Variants in BCAS3 observed in about 807,000 individuals in gnomAD.
BCAS3 encodes the protein BCAS3 microtubule associated cell migration factor, also known as BCAS4/BCAS3 fusion.
In BCAS3, 53 loss-of-function variants were observed where a neutral mutation model predicts 116.1. The ratio of observed to expected loss-of-function variants is 0.46; its 90% confidence interval spans 0.37 to 0.57. BCAS3 has a LOEUF of 0.57. Among genes scored for constraint, BCAS3 ranks in the 20% least tolerant of loss-of-function variants. The pLI is 0.00. For synonymous variants in BCAS3, 391 were observed against 408.2 expected (o/e 0.96, Z 0.51); for missense variants, 917 against 1,165.4 (o/e 0.79, Z 3.10).
intron 19 of BCAS3, among the ~76,000 whole-genome samples, chr17:61,067,726 C>CAAAAAAAAA (rs377228440): frequency 3.2e-4 from 35 of 108,932 alleles, no homozygotes; most frequent in East Asian, 4.8e-4. Context: ...AACAAACAAA[C>CAAAAAAAAA]AAAAAAAAAA....
rs570849379 is a variant in BCAS3 at position 61,049,071 on chromosome 17, G to T, written c.2029+8179G>T. Reference sequence around the variant, plus strand: ...CCCAGCACTTTGGGATGCCAAAGTGGAAGGATTGCTTGAGGTCAGGAGTTC... The same window carrying T: ...CCCAGCACTTTGGGATGCCAAAGTGTAAGGATTGCTTGAGGTCAGGAGTTC... On this transcript the variant is annotated intron_variant, in intron 19 of 23. Transcript: ENST00000407086. 2.8e-4 allele frequency among the ~76,000 whole-genome samples: 43 copies of T among 152,076 alleles called. 1 individual carries two copies. The highest frequency in any genetic ancestry group is 2.2e-3 in the Admixed American group (33 of 15,284).
At chr17:60,974,247 C>T in intron 14 of BCAS3, among the ~76,000 whole-genome samples, 1 of 152,026 alleles carries the variant, frequency 6.6e-6, no homozygotes, top group Non-Finnish European at 1.5e-5. Context: ...AATTCACAGC[C>T]TTATAAGATG....
At chr17:60,836,373 C>T (rs551888804) in intron 7 of BCAS3, among the ~76,000 whole-genome samples, 17 of 152,220 alleles carry the variant, frequency 1.1e-4, no homozygotes, top group Non-Finnish European at 2.5e-4. Flanking sequence ...TAATGCTCAA[C>T]ATACAACAGT....
intron 6 of BCAS3, among the ~76,000 whole-genome samples, chr17:60,803,805 T>C (rs987058498): frequency 6.9e-6 from 1 of 145,316 alleles, no homozygotes; most frequent in African/African-American, 2.5e-5. Flanking sequence ...GATTTTTTTT[T>C]TTTTTTTTTT....
intron 14 of BCAS3, among the ~76,000 whole-genome samples, chr17:60,974,982 G>GTTTTGTTT (rs2062210319): frequency 7.3e-6 from 1 of 136,322 alleles, no homozygotes; most frequent in African/African-American, 3.5e-5. Flanking sequence ...TGTTTTTTTT[G>GTTTTGTTT]TTTTTTTTGC....
chr17:60,786,547 G>GTATATATATATATATATATATATA (rs72319489), intron 6 of BCAS3, among the ~76,000 whole-genome samples: 7 of 140,696 alleles, frequency 5.0e-5, no homozygotes, highest in African/African-American at 1.8e-4. Flanking sequence ...CTGCAAATGT[G>GTATATATATATATATATATATATA]TATATATATA....
At chr17:60,968,121 T>C (rs2061756767) in intron 14 of BCAS3, among the ~76,000 whole-genome samples, 1 of 152,210 alleles carries the variant, frequency 6.6e-6, no homozygotes, top group South Asian at 2.1e-4. Flanking sequence ...CTGTTGTTTT[T>C]TTCGTGTGTA....
In BCAS3 at chr17:61,261,107, A is replaced by G. The variant is rs915567639; in HGVS notation, c.2426-107220A>G. ...TTGACACATTTTGCCTGGAAGTCAT[A>G]GAAGAAGACTGAGGTGCCCCCATCA... On this transcript the variant is annotated intron_variant, in intron 22 of 23. Transcript: ENST00000407086. This position sits in a 1 kb window ranked among gnomAD's most constrained non-coding sequence, Gnocchi z 4.4. Among the ~76,000 whole-genome samples the G allele has an allele frequency of 1.2e-4, 18 of 152,354 alleles. No homozygotes were observed. Among genetic ancestry groups the G allele is most frequent in the South Asian group, 2.1e-4 (1 of 4,824 alleles).
At chr17:61,338,707 TGG>T in intron 22 of BCAS3, among the ~76,000 whole-genome samples, 1 of 152,078 alleles carries the variant, frequency 6.6e-6, no homozygotes, top group Non-Finnish European at 1.5e-5. Flanking sequence ...CTGTTGGATC[TGG>T]CAGTGCAGGC....
At chr17:60,800,175 G>C (rs1422312431) in intron 6 of BCAS3, among the ~76,000 whole-genome samples, 1 of 152,098 alleles carries the variant, frequency 6.6e-6, no homozygotes, top group East Asian at 1.9e-4. Flanking sequence ...TAATTACCAA[G>C]GAGTGATGAT....
intron 22 of BCAS3, chr17:61,086,930 A>G (rs1017985999): frequency 6.1e-6 from 6 of 985,300 alleles, no homozygotes; most frequent in Non-Finnish European, 7.2e-6. Context: ...TGGAATGTCC[A>G]TCTACTTTAA....
At chr17:61,002,901 T>A (rs1031624327) in intron 15 of BCAS3, among the ~76,000 whole-genome samples, 1 of 152,132 alleles carries the variant, frequency 6.6e-6, no homozygotes, top group Admixed American at 6.5e-5. Flanking sequence ...ATTGGACACT[T>A]ACTGTTGTTG....
intron 13 of BCAS3, among the ~76,000 whole-genome samples, chr17:60,945,993 G>A (rs1389902731): frequency 1.3e-5 from 2 of 150,986 alleles, no homozygotes; most frequent in African/African-American, 4.9e-5. Context: ...GGTGGCGGGC[G>A]CCTGTAGTCC....
intron 22 of BCAS3, among the ~76,000 whole-genome samples, chr17:61,342,767 T>G (rs1245451186): frequency 6.8e-6 from 1 of 147,132 alleles, no homozygotes; most frequent in East Asian, 2.0e-4. Context: ...TTTTTTTTTT[T>G]GTGAGATAAA....
At position 61,363,266 on chromosome 17, in the gene BCAS3, A is replaced by G. The variant is rs1169149080; in HGVS notation, c.2426-5061A>G. 6.6e-6 allele frequency among the ~76,000 whole-genome samples: 1 copy of G among 152,234 alleles called. No homozygotes were observed. Among genetic ancestry groups the G allele is most frequent in the Non-Finnish European group, 1.5e-5 (1 of 68,040 alleles). On this transcript the variant is annotated intron_variant, in intron 22 of 23. Coordinates refer to ENST00000407086, the MANE Select transcript of BCAS3 (RefSeq NM_017679.5). The surrounding 1 kb of genome is among the most constrained non-coding windows in gnomAD (Gnocchi z 4.9). Reference sequence around the variant, plus strand: ...TTTTTTGAGTAAGTGCTTAGCTTTCATCAACTTCACCTGGAAAGATAGAGC... The same window carrying G: ...TTTTTTGAGTAAGTGCTTAGCTTTCGTCAACTTCACCTGGAAAGATAGAGC...
intron 21 of BCAS3, 101 bp downstream of exon 21, chr17:61,078,630 T>C: frequency 9.9e-7 from 1 of 1,014,494 alleles, no homozygotes; most frequent in Non-Finnish European, 1.4e-6. Flanking sequence ...TTTGGCACAG[T>C]ATCATGTTGC....
chr17:60,754,169 G>A (rs920931557), intron 6 of BCAS3, among the ~76,000 whole-genome samples: 3 of 151,238 alleles, frequency 2.0e-5, no homozygotes. Context: ...CCAAAGTGCT[G>A]GGATTACAGT....
At chr17:61,270,556 C>T (rs2050154700) in intron 22 of BCAS3, among the ~76,000 whole-genome samples, 1 of 152,134 alleles carries the variant, frequency 6.6e-6, no homozygotes, top group Non-Finnish European at 1.5e-5. Context: ...TGCCTTTTCA[C>T]ACTGTTGTCT....
At chr17:61,331,184 A>C (rs1019319952) in intron 22 of BCAS3, among the ~76,000 whole-genome samples, 1 of 152,160 alleles carries the variant, frequency 6.6e-6, no homozygotes, top group African/African-American at 2.4e-5. Context: ...GCCTCAGCAC[A>C]CAGGGGTAGG....
Sources: gnomAD v4.1 joint callset for allele counts (sites outside exome capture counted in the v4.1 genomes callset) on GRCh38, gnomAD v4.1.1 for gene constraint, Gnocchi (gnomAD v3.1) non-coding constraint, MANE v1.5 for transcripts, NCBI Gene and HGNC (gene_info 2026-07-23, HGNC 2026-07-21) for gene names.